Variants in METTL15 observed in about 807,000 individuals in gnomAD.
METTL15 encodes 12S rRNA N(4)-cytidine methyltransferase METTL15.
Under a neutral mutation model 38.3 loss-of-function variants are expected in METTL15, and 34 were observed. That is an observed-to-expected ratio of 0.89 (90% CI 0.68 to 1.18). The LOEUF (loss-of-function observed/expected upper bound fraction) is 1.18, where lower values mean the gene tolerates loss of function less well. METTL15 is among the 50% of genes most tolerant of loss of function. METTL15 has a pLI of 0.00. For missense variants in METTL15, 438 were observed against 498.4 expected, an observed-to-expected ratio of 0.88 and a Z score of 1.15; for synonymous variants, 162 against 170.9, an observed-to-expected ratio of 0.95 and a Z score of 0.41.
chr11:28,238,099 T>C (rs1433885690), intron 4 of METTL15, among the ~76,000 whole-genome samples: 1 of 152,200 alleles, frequency 6.6e-6, no homozygotes, highest in Non-Finnish European at 1.5e-5. Context: ...CTCAAATCTC[T>C]AGCTGTGTGC....
chr11:28,126,442 C>T (rs918383711), intron 3 of METTL15, among the ~76,000 whole-genome samples: 2 of 152,038 alleles, frequency 1.3e-5, no homozygotes, highest in African/African-American at 4.8e-5. Context: ...ACCACTGTAT[C>T]CTCAGTGCTA....
intron 6 of METTL15, among the ~76,000 whole-genome samples, chr11:28,502,274 G>A (rs912063297): frequency 6.6e-6 from 1 of 152,052 alleles, no homozygotes; most frequent in African/African-American, 2.4e-5. Flanking sequence ...TTTTAATCAG[G>A]GACCAGCAAA....
At chr11:28,463,672 A>C (rs890559253) in intron 6 of METTL15, among the ~76,000 whole-genome samples, 1 of 152,126 alleles carries the variant, frequency 6.6e-6, no homozygotes, top group African/African-American at 2.4e-5. Flanking sequence ...GGTTGGTTAT[A>C]CTGTATTAAC....
intron 6 of METTL15, among the ~76,000 whole-genome samples, chr11:28,318,365 T>TA (rs1849343709): frequency 6.7e-6 from 1 of 150,368 alleles, no homozygotes; most frequent in African/African-American, 2.4e-5. Context: ...TAATTTGATT[T>TA]TATATATATA....
intron 5 of METTL15, among the ~76,000 whole-genome samples, chr11:28,294,400 A>G (rs1228436198): frequency 6.6e-6 from 1 of 152,208 alleles, no homozygotes; most frequent in Non-Finnish European, 1.5e-5. Context: ...TGTGATGAAG[A>G]CGGATGCAAG....
At chr11:28,514,814 G>T (rs1851706163) in intron 6 of METTL15, among the ~76,000 whole-genome samples, 1 of 152,162 alleles carries the variant, frequency 6.6e-6, no homozygotes, top group Non-Finnish European at 1.5e-5. Flanking sequence ...GGCACATTGG[G>T]TTCAAGCTGC....
chr11:28,481,485 C>A (rs1851394873), intron 6 of METTL15, among the ~76,000 whole-genome samples: 1 of 152,206 alleles, frequency 6.6e-6, no homozygotes, highest in Non-Finnish European at 1.5e-5. Context: ...TGGGGGCACA[C>A]TGAACGTCCC....
intron 6 of METTL15, among the ~76,000 whole-genome samples, chr11:28,500,802 C>T (rs541480496): frequency 6.6e-6 from 1 of 152,134 alleles, no homozygotes; most frequent in Non-Finnish European, 1.5e-5. Context: ...GAATTACAGG[C>T]GTGAGCCACT....
chr11:28,111,371 T>C (rs1348521062), intron 2 of METTL15, among the ~76,000 whole-genome samples: 2 of 152,210 alleles, frequency 1.3e-5, no homozygotes, highest in Non-Finnish European at 2.9e-5. Flanking sequence ...TCTGGACATA[T>C]AGGGTAGGTT....
At chr11:28,236,812 C>G (rs1278424885) in intron 4 of METTL15, among the ~76,000 whole-genome samples, 1 of 152,140 alleles carries the variant, frequency 6.6e-6, no homozygotes, top group Non-Finnish European at 1.5e-5. Flanking sequence ...GACAAAATCT[C>G]TCAGCATTTG....
rs561295907 is a variant in METTL15, at chr11:28,366,491, A to C, written c.*358+4455A>C. Among the ~76,000 whole-genome samples, 59 of 120,982 alleles carry C rather than the reference A, an allele frequency of 4.9e-4. No individual in the cohort carries two copies. The South Asian group carries it at 0.014, about 28-fold the overall frequency. 79.4% of individuals were successfully genotyped at this position (120,982 alleles called of 152,430 possible). On this transcript the variant is annotated intron_variant and NMD_transcript_variant, in intron 5 of 7. Coordinates refer to the METTL15 transcript ENST00000532947. ...CAGATTACAGCTCAATAAAGAAGAAAAAAGTTCATTTTCTGAAGACTACAA... is the reference window on the plus strand; with the variant it reads ...CAGATTACAGCTCAATAAAGAAGAACAAAGTTCATTTTCTGAAGACTACAA...
chr11:28,203,845 TG>T (rs1852207441), intron 3 of METTL15, among the ~76,000 whole-genome samples: 1 of 152,082 alleles, frequency 6.6e-6, no homozygotes, highest in African/African-American at 2.4e-5. Flanking sequence ...AATAAAAACA[TG>T]GTGCAAAAGA....
chr11:28,312,056 A>T (rs1031074875), intron 6 of METTL15, among the ~76,000 whole-genome samples: 4 of 152,178 alleles, frequency 2.6e-5, no homozygotes, highest in African/African-American at 7.2e-5. Flanking sequence ...CCCAGCTGCT[A>T]CTTTATCCTC....
chr11:28,494,871 C>G (rs1851523966), intron 6 of METTL15, among the ~76,000 whole-genome samples: 1 of 152,156 alleles, frequency 6.6e-6, no homozygotes, highest in Non-Finnish European at 1.5e-5. Context: ...AGCCTATTTC[C>G]CTTATAAATT....
At chr11:28,323,834 C>T (rs57779661) in intron 6 of METTL15, among the ~76,000 whole-genome samples, 354 of 152,264 alleles carry the variant, frequency 2.3e-3, no homozygotes, top group African/African-American at 8.0e-3. Flanking sequence ...CCACCATCAA[C>T]AAACCTGATC....
intron 3 of METTL15, among the ~76,000 whole-genome samples, chr11:28,143,364 A>G (rs1849765073): frequency 6.6e-6 from 1 of 152,164 alleles, no homozygotes; most frequent in African/African-American, 2.4e-5. Flanking sequence ...TCTCAAAACC[A>G]TGAAGGGACT....
At chr11:28,204,161 G>A (rs1852220819) in intron 3 of METTL15, among the ~76,000 whole-genome samples, 1 of 151,988 alleles carries the variant, frequency 6.6e-6, no homozygotes, top group African/African-American at 2.4e-5. Context: ...TAAGTTGGAG[G>A]TAAAGTTGGG....
chr11:28,175,096 C>G (rs978598203), intron 3 of METTL15, among the ~76,000 whole-genome samples: 38 of 152,006 alleles, frequency 2.5e-4, no homozygotes, highest in South Asian at 4.2e-4. Flanking sequence ...ATCCCTCCCC[C>G]CTACCCCCAC....
At chr11:28,293,368 A>T (rs1226720781) in intron 5 of METTL15, among the ~76,000 whole-genome samples, 1 of 152,074 alleles carries the variant, frequency 6.6e-6, no homozygotes, top group African/African-American at 2.4e-5. Context: ...ATAGTTGTAG[A>T]TATGCGGCGT....
Sources: allele counts gnomAD v4.1 joint callset (sites outside exome capture counted in the v4.1 genomes callset), GRCh38; gene constraint gnomAD v4.1.1; transcripts MANE v1.5; gene names NCBI Gene and HGNC (gene_info 2026-07-23, HGNC 2026-07-21).